The following TASP1 variants were observed in gnomAD, a reference collection of about 807,000 sequenced individuals.
TASP1 encodes the protein threonine aspartase 1.
A neutral mutation model predicts 56.6 loss-of-function variants in TASP1; 16 were observed. The ratio of observed to expected loss-of-function variants is 0.28; its 90% CI spans 0.19 to 0.43. The LOEUF (loss-of-function observed/expected upper bound fraction) is 0.43, where lower values mean the gene tolerates loss of function less well. TASP1 is among the 20% of genes least tolerant of loss of function. The probability of loss-of-function intolerance (pLI) is 1.00; values close to 1 mark genes in which losing one functional copy is unlikely to be tolerated. For synonymous variants in TASP1, 179 were observed against 184.2 expected (o/e 0.97, Z 0.23); for missense variants, 393 against 511.6 (o/e 0.77, Z 2.24).
At position 13,416,343 on chromosome 20, in the gene TASP1, C is replaced by A. The variant is rs930275088; in HGVS notation, c.1170+1105G>T. Among the ~76,000 whole-genome samples, 2 of 152,086 alleles carry A rather than the reference C, an allele frequency of 1.3e-5. 1 individual carries two copies. The highest frequency in any genetic ancestry group is 2.9e-5 in the Non-Finnish European group (2 of 67,996). ...CTCTTAGGAAACAGGTCTACTAACA[C>A]AATAGGAATATTGTACCAGATGAAG... On this transcript the variant is annotated intron_variant, in intron 13 of 13. Coordinates refer to ENST00000337743, the MANE Select transcript of TASP1 (RefSeq NM_017714.3).
At chr20:13,565,860 A>T (rs2046509540) in intron 7 of TASP1, among the ~76,000 whole-genome samples, 1 of 152,198 alleles carries the variant, frequency 6.6e-6, no homozygotes, top group African/African-American at 2.4e-5. Context: ...CCCAAAAAAA[A>T]TGGACAGCAG....
At chr20:13,202,299 T>G in the TASP1 span, among the ~76,000 whole-genome samples, 7 of 152,188 alleles carry the variant, frequency 4.6e-5, no homozygotes, top group Non-Finnish European at 5.9e-5. Flanking sequence ...CAGAAGCACA[T>G]GGTTATACAG....
chr20:13,160,115 C>T, the TASP1 span: 22 of 1,613,854 alleles, frequency 1.4e-5, no homozygotes, highest in Admixed American at 3.3e-5. Flanking sequence ...GGCACATACC[C>T]GGGAGATGTT....
At chr20:13,177,567 T>C in the TASP1 span, among the ~76,000 whole-genome samples, 1 of 152,064 alleles carries the variant, frequency 6.6e-6, no homozygotes, top group African/African-American at 2.4e-5. Flanking sequence ...AACAGACACA[T>C]AGACCAATGA....
At chr20:13,625,767 T>C (rs2048867296) in intron 2 of TASP1, among the ~76,000 whole-genome samples, 1 of 152,160 alleles carries the variant, frequency 6.6e-6, no homozygotes, top group Non-Finnish European at 1.5e-5. Flanking sequence ...AATTGCACCA[T>C]TCCTAAACAA....
At chr20:13,113,046 G>A in the TASP1 span, among the ~76,000 whole-genome samples, 1 of 152,066 alleles carries the variant, frequency 6.6e-6, no homozygotes, top group African/African-American at 2.4e-5. Context: ...AGCCAGGTGT[G>A]GTGGTGCACT....
Position 13,461,146 on chromosome 20 carries a change from T to C in TASP1, c.985+22081A>G, listed in dbSNP as rs551856030. On this transcript the variant is annotated intron_variant, in intron 11 of 13. Transcript: ENST00000337743. ...GCTGTTCCCTCTGTCTGGTACGTTC[T>C]TCCCTCCACTGGCCACATGGCTCTC... Among the ~76,000 whole-genome samples the C allele has an allele frequency of 2.5e-4, 38 of 152,304 alleles. No homozygotes were observed. The South Asian group carries it at 7.5e-3, about 30-fold the overall frequency.
At chr20:13,436,671 A>G (rs1314169260) in intron 11 of TASP1, among the ~76,000 whole-genome samples, 1 of 152,166 alleles carries the variant, frequency 6.6e-6, no homozygotes, top group Non-Finnish European at 1.5e-5. Flanking sequence ...TTTATGCTAA[A>G]CAGTGAAATA....
intron 4 of TASP1, among the ~76,000 whole-genome samples, chr20:13,593,562 C>T (rs2047614842): frequency 6.6e-6 from 1 of 152,244 alleles, no homozygotes; most frequent in African/African-American, 2.4e-5. Context: ...CCATGCCTGG[C>T]TCGGCAGGTC....
At chr20:13,531,593 C>CA (rs2045221909) in intron 9 of TASP1, among the ~76,000 whole-genome samples, 1 of 151,330 alleles carries the variant, frequency 6.6e-6, no homozygotes, top group Non-Finnish European at 1.5e-5. Flanking sequence ...CAGGTTCAAG[C>CA]AATTCTCCTG....
chr20:13,597,087 G>A (rs763854501), intron 4 of TASP1, among the ~76,000 whole-genome samples: 17 of 152,144 alleles, frequency 1.1e-4, no homozygotes, highest in Non-Finnish European at 2.2e-4. Context: ...ATTCACAGCC[G>A]AGTTCTACCA....
the TASP1 span, among the ~76,000 whole-genome samples, chr20:13,305,798 G>A: frequency 2.8e-3 from 430 of 152,336 alleles, 4 homozygotes; most frequent in African/African-American, 9.6e-3. Flanking sequence ...ATTCTTGGTT[G>A]AATCCCACCA....
the TASP1 span, among the ~76,000 whole-genome samples, chr20:13,152,056 C>A: frequency 1.3e-5 from 2 of 152,074 alleles, no homozygotes; most frequent in African/African-American, 4.8e-5. Context: ...TCAGAAGAAC[C>A]AATGACCACC....
the TASP1 span, among the ~76,000 whole-genome samples, chr20:13,310,416 T>C: frequency 6.6e-6 from 1 of 152,070 alleles, no homozygotes; most frequent in South Asian, 2.1e-4. Flanking sequence ...CCACATATAA[T>C]AGTCAACTCA....
chr20:13,425,739 T>C (rs1003093966), intron 12 of TASP1, among the ~76,000 whole-genome samples: 10 of 152,130 alleles, frequency 6.6e-5, no homozygotes, highest in Non-Finnish European at 1.2e-4. Flanking sequence ...GCACTGTAAA[T>C]AGAACAGCCT....
At chr20:13,179,897 A>T in the TASP1 span, among the ~76,000 whole-genome samples, 1 of 152,128 alleles carries the variant, frequency 6.6e-6, no homozygotes, top group Non-Finnish European at 1.5e-5. Flanking sequence ...TGTAGGATGA[A>T]TCTGTTGATT....
chr20:13,257,475 G>A, the TASP1 span, among the ~76,000 whole-genome samples: 186 of 152,216 alleles, frequency 1.2e-3, no homozygotes, highest in East Asian at 0.025. Context: ...GGTTCTCTGC[G>A]TCTTCCTCAG....
chr20:13,536,887 T>C (rs1307331823), intron 8 of TASP1, among the ~76,000 whole-genome samples: 1 of 152,046 alleles, frequency 6.6e-6, no homozygotes, highest in Non-Finnish European at 1.5e-5. Context: ...GATGTTTTGA[T>C]ATAGGCATAG....
At chr20:13,299,263 C>T in the TASP1 span, 4 of 1,607,502 alleles carry the variant, frequency 2.5e-6, no homozygotes, top group Non-Finnish European at 3.4e-6. The surrounding 1 kb of genome is among the most constrained non-coding windows in gnomAD (Gnocchi z 5.8). Flanking sequence ...GGCAAGGGGG[C>T]GGGCACGCCC....
Sources: gnomAD v4.1 joint callset for allele counts (sites outside exome capture counted in the v4.1 genomes callset) on GRCh38, gnomAD v4.1.1 for gene constraint, Gnocchi (gnomAD v3.1) non-coding constraint, MANE v1.5 for transcripts, NCBI Gene and HGNC (gene_info 2026-07-23, HGNC 2026-07-21) for gene names.